Variants in CYTH3 observed in about 807,000 individuals in gnomAD.
CYTH3 encodes the protein cytohesin 3.
A neutral mutation model predicts 55.1 loss-of-function variants in CYTH3; 23 were observed. The observed-to-expected ratio is 0.42, with a 90% CI of 0.30 to 0.59. CYTH3 has a LOEUF of 0.59. Among genes scored for constraint, CYTH3 ranks in the 20% least tolerant of loss-of-function variants. CYTH3 has a pLI of 0.20. For synonymous variants in CYTH3, 249 were observed against 194.9 expected (o/e 1.28, Z -2.31); for missense variants, 413 against 524.8 (o/e 0.79, Z 2.08).
Position 6,165,262 on chromosome 7 carries a change from G to T in CYTH3, c.1127+11C>A. Reference sequence around the variant, plus strand: ...AGACGGGCCTGGCCCCGCCCCCGAGGCCCCACTCACTTGATGGATTTCATC... The same window carrying T: ...AGACGGGCCTGGCCCCGCCCCCGAGTCCCCACTCACTTGATGGATTTCATC... On this transcript the variant is annotated intron_variant, in intron 12 of 12. Coordinates refer to ENST00000350796, the MANE Select transcript of CYTH3 (RefSeq NM_004227.4). 1 of 1,605,902 alleles carries T rather than the reference G, an allele frequency of 6.2e-7. No homozygotes were observed. Among genetic ancestry groups the T allele is most frequent in the East Asian group, 2.2e-5 (1 of 44,736 alleles).
intron 1 of CYTH3, 64 bp downstream of exon 1, chr7:6,272,410 G>GGGGGGGGGGGGGGGGGCCCCCCCCCCCCC: frequency 8.2e-7 from 1 of 1,216,618 alleles, no homozygotes; most frequent in Non-Finnish European, 1.1e-6. Context: ...CCGCGCCCTC[G>GGGGGGGGGGGGGGGGGCCCCCCCCCCCCC]ACCCCCAGCC....
intron 1 of CYTH3, among the ~76,000 whole-genome samples, chr7:6,266,877 C>T (rs1295857544): frequency 6.6e-6 from 1 of 152,228 alleles, no homozygotes; most frequent in African/African-American, 2.4e-5. Context: ...AATTTATCTG[C>T]CGTATTCACC....
chr7:6,214,787 G>T (rs187402434), intron 1 of CYTH3, among the ~76,000 whole-genome samples: 6 of 152,172 alleles, frequency 3.9e-5, no homozygotes, highest in Middle Eastern at 3.4e-3. Flanking sequence ...ATTTCCCACG[G>T]TAATATCAAA....
rs1252197819 is a variant in CYTH3, at chr7:6,195,011, AAAAG to A, written c.35-4484_35-4481del. 1.2e-4 allele frequency among the ~76,000 whole-genome samples: 18 copies of A among 152,226 alleles called. No homozygotes were observed. In the Middle Eastern group the frequency reaches 0.01, roughly 86 times the overall value. On this transcript the variant is annotated intron_variant, in intron 1 of 12. Coordinates refer to ENST00000350796, the MANE Select transcript of CYTH3 (RefSeq NM_004227.4). ...TAAATAAATAATTTTAAAAAAAGAA[AAAAG>A]AAAGAGACAAATGAAAAGAGAAAAA...
At chr7:6,271,804 C>T (rs1391348913) in intron 1 of CYTH3, among the ~76,000 whole-genome samples, 1 of 152,180 alleles carries the variant, frequency 6.6e-6, no homozygotes, top group African/African-American at 2.4e-5. Context: ...GTGCTGGGTG[C>T]AGCTCGTGTC....
intron 1 of CYTH3, among the ~76,000 whole-genome samples, chr7:6,269,350 G>A (rs1323797943): frequency 6.6e-6 from 1 of 152,174 alleles, no homozygotes. Flanking sequence ...TGAAAGGTGG[G>A]AGCTCAATCT....
chr7:6,227,854 A>G (rs1282179517), intron 1 of CYTH3, among the ~76,000 whole-genome samples: 9 of 152,334 alleles, frequency 5.9e-5, no homozygotes, highest in African/African-American at 1.9e-4. Context: ...AATGTGAACA[A>G]GTAACCTTAC....
intron 4 of CYTH3, 57 bp from the exon 5 acceptor site, chr7:6,177,998 A>AC: frequency 7.5e-7 from 1 of 1,337,702 alleles, no homozygotes; most frequent in Admixed American, 1.7e-5. Context: ...CTCATTTTTC[A>AC]AAGACAGAAA....
chr7:6,245,138 A>C (rs1040536018), intron 1 of CYTH3, among the ~76,000 whole-genome samples: 2 of 151,426 alleles, frequency 1.3e-5, no homozygotes, highest in African/African-American at 4.9e-5. Flanking sequence ...TTTTACATAA[A>C]ATGTTACAAA....
rs574966630 is a variant in CYTH3 at position 6,171,866 on chromosome 7, G to C, written c.450-552C>G. 3.0e-4 allele frequency: 46 copies of C among 155,104 alleles called. 1 individual carries two copies. In the South Asian group the frequency reaches 4.2e-3, roughly 14 times the overall value. The allele number at this position is 155,104 out of a possible 1,614,324, so 9.6% of individuals were successfully genotyped here. A position where few individuals can be genotyped will look rare whatever the true frequency, so the allele number is the denominator to read the frequency against. On this transcript the variant is annotated intron_variant, in intron 6 of 12. Transcript: ENST00000350796. This position sits in a 1 kb window ranked among gnomAD's most constrained non-coding sequence, Gnocchi z 6.7. ...CCACCCTCAGGCATCCCCTCTGGCT[G>C]AGGTCTCCCTGGCTGCCCTGCCTGT...
At chr7:6,256,564 AAG>A (rs937487556) in intron 1 of CYTH3, among the ~76,000 whole-genome samples, 3 of 152,358 alleles carry the variant, frequency 2.0e-5, no homozygotes, top group Middle Eastern at 6.8e-3. Context: ...AAGACATGCA[AAG>A]AGAGAAGCCC....
chr7:6,181,266 CTTTTT>C (rs1422832003), intron 4 of CYTH3, among the ~76,000 whole-genome samples: 2 of 152,022 alleles, frequency 1.3e-5, no homozygotes, highest in Non-Finnish European at 2.9e-5. Flanking sequence ...CATGCCTTTC[CTTTTT>C]TATCCTATGT....
intron 1 of CYTH3, among the ~76,000 whole-genome samples, chr7:6,216,602 G>A (rs1358531753): frequency 1.3e-5 from 2 of 151,796 alleles, no homozygotes; most frequent in Non-Finnish European, 2.9e-5. Context: ...TTAGCCGGGT[G>A]TGGTGACGCA....
intron 1 of CYTH3, among the ~76,000 whole-genome samples, chr7:6,200,249 T>C (rs1784028388): frequency 6.6e-6 from 1 of 152,206 alleles, no homozygotes; most frequent in Non-Finnish European, 1.5e-5. Context: ...AAGCTGCAGC[T>C]TTCTAGTTTA....
intron 1 of CYTH3, among the ~76,000 whole-genome samples, chr7:6,268,460 G>A (rs1583211480): frequency 6.6e-6 from 1 of 152,160 alleles, no homozygotes; most frequent in African/African-American, 2.4e-5. Context: ...GAGAGCCGCC[G>A]CGCCCGGCCT....
chr7:6,205,875 T>TAAAAAAAAAAAAAAAAAAAAAA, intron 1 of CYTH3, among the ~76,000 whole-genome samples: 1 of 28,074 alleles, frequency 3.6e-5, no homozygotes, highest in Non-Finnish European at 6.3e-5. Context: ...TCCTATCTCT[T>TAAAAAAAAAAAAAAAAAAAAAA]AAAAAAAAAA....
intron 5 of CYTH3, among the ~76,000 whole-genome samples, chr7:6,174,735 G>A (rs565536025): frequency 1.3e-5 from 2 of 151,808 alleles, no homozygotes; most frequent in East Asian, 3.9e-4. Context: ...TTTTAGTAGA[G>A]ACGGGGTTTC....
At chr7:6,259,830 A>ATT (rs1780302413) in intron 1 of CYTH3, among the ~76,000 whole-genome samples, 1 of 20,262 alleles carries the variant, frequency 4.9e-5, no homozygotes, top group African/African-American at 4.0e-4. Flanking sequence ...ATATATATAT[A>ATT]TATTTTTTTT....
At chr7:6,239,896 A>G (rs1038656807) in intron 1 of CYTH3, among the ~76,000 whole-genome samples, 1 of 152,248 alleles carries the variant, frequency 6.6e-6, no homozygotes, top group Non-Finnish European at 1.5e-5. Flanking sequence ...GTTCTTGGAA[A>G]GAAAACTGCA....
Sources: gnomAD v4.1 joint callset for allele counts (sites outside exome capture counted in the v4.1 genomes callset) on GRCh38, gnomAD v4.1.1 for gene constraint, Gnocchi (gnomAD v3.1) non-coding constraint, MANE v1.5 for transcripts, NCBI Gene and HGNC (gene_info 2026-07-23, HGNC 2026-07-21) for gene names.